The following CYP17A1 variants were observed in gnomAD, a reference collection of about 807,000 sequenced individuals.
CYP17A1 encodes the protein steroid 17-alpha-hydroxylase/17,20 lyase.
Under a neutral mutation model 38.5 loss-of-function variants are expected in CYP17A1, and 27 were observed. The ratio of observed to expected loss-of-function variants is 0.70; its 90% CI spans 0.52 to 0.97. CYP17A1 has a LOEUF of 0.97. Among genes scored for constraint, CYP17A1 ranks in the 50% least tolerant of loss-of-function variants. The pLI, the probability that CYP17A1 is intolerant of heterozygous loss-of-function variation, is 0.00. For missense variants in CYP17A1, 549 were observed against 645.9 expected (o/e 0.85, Z 1.63); for synonymous variants, 263 against 253.3 (o/e 1.04, Z -0.36).
At chr10:102,835,192 C>T in intron 2 of CYP17A1, 62 bp downstream of exon 2, 8 of 1,487,630 alleles carry the variant, frequency 5.4e-6, no homozygotes, top group Non-Finnish European at 7.5e-6. Context: ...CCCAACCCTC[C>T]TCTCCCTCCA....
intron 3 of CYP17A1, 172 bp from the exon 4 acceptor site, chr10:102,834,294 G>A (rs192312931): frequency 4.9e-5 from 31 of 636,432 alleles, no homozygotes; most frequent in African/African-American, 3.7e-4. Context: ...GGTTTATCAT[G>A]ACGACGAAGA....
chr10:102,831,974 C>G (rs1844096088), intron 6 of CYP17A1, among the ~76,000 whole-genome samples: 1 of 152,186 alleles, frequency 6.6e-6, no homozygotes, highest in Non-Finnish European at 1.5e-5. Context: ...GGAAGCTCCT[C>G]TGGGAAGTCA....
In CYP17A1 at chr10:102,832,407, C is replaced by A. The variant is rs909654327; in HGVS notation, c.1139+104G>T. 7 of 800,810 alleles carry A rather than the reference C, an allele frequency of 8.7e-6. No individual in the cohort carries two copies. In the East Asian group the frequency reaches 1.7e-4, roughly 19 times the overall value. The allele number at this position is 800,810 out of a possible 1,614,324, so 49.6% of individuals were successfully genotyped here. On this transcript the variant is annotated intron_variant, in intron 6 of 7. Transcript: ENST00000369887. Reference sequence around the variant, plus strand: ...TTTTTAGTAGTTGATGGTTGACTGACTTTAGGTTGGCCAGCAGGGGCCGGG... The same window carrying A: ...TTTTTAGTAGTTGATGGTTGACTGAATTTAGGTTGGCCAGCAGGGGCCGGG...
intron 5 of CYP17A1, 59 bp from the exon 6 acceptor site, chr10:102,832,739 C>T: frequency 7.7e-7 from 1 of 1,291,746 alleles, no homozygotes; most frequent in Non-Finnish European, 1.1e-6. Flanking sequence ...GAAGCAAGGG[C>T]TTAGAGAAGA....
In CYP17A1 at chr10:102,837,141, A is replaced by G; in HGVS notation, c.221T>C (p.Val74Ala). 1 of 1,600,118 alleles carries G rather than the reference A, an allele frequency of 6.2e-7. No homozygotes were observed. The change falls in exon 1 of 8, where the codon GTG (valine) becomes GCG (alanine). Residue 74 changes from valine (V) to alanine (A), a missense_variant. Val to Ala is a moderately conservative substitution (Grantham distance 64). Coordinates refer to ENST00000369887, the MANE Select transcript of CYP17A1 (RefSeq NM_000102.4). Reference sequence around the variant, plus strand: ...GGCCAGCTGGTGGTGGCCGACAATCACTGTAGTCTTGGTGCCCATACGAAC... The same window carrying G: ...GGCCAGCTGGTGGTGGCCGACAATCGCTGTAGTCTTGGTGCCCATACGAAC... ...YSVRMGTKTT[V>A]IVGHHQLAKE...
At chr10:102,836,953 G>T in intron 1 of CYP17A1, 112 bp downstream of exon 1, 1 of 781,436 alleles carries the variant, frequency 1.3e-6, no homozygotes. Flanking sequence ...AGTCTACTTT[G>T]GGAAGAATTA....
At chr10:102,832,892 A>C (rs1338162251) in intron 5 of CYP17A1, 101 bp downstream of exon 5, 1 of 1,549,516 alleles carries the variant, frequency 6.5e-7, no homozygotes, top group Admixed American at 1.9e-5. Context: ...GGGCAGGCCT[A>C]GTCTTCCTGC....
chr10:102,834,807 AC>A lies in CYP17A1; in HGVS notation c.643del (p.Val215TrpfsTer3). 1 of 1,614,186 alleles carries A rather than the reference AC, an allele frequency of 6.2e-7. No homozygotes were observed. Among genetic ancestry groups the A allele is most frequent in the Non-Finnish European group, 8.5e-7 (1 of 1,180,032 alleles). Reference sequence around the variant, plus strand: ...CACCTTCAACCAGGGGACTAGGTCCACCAGGCTGTCTTTGCTCAGGTTGTCT... The same window carrying A: ...CACCTTCAACCAGGGGACTAGGTCCACAGGCTGTCTTTGCTCAGGTTGTCT... ...IIDNLSKDSL[V>X]DLVPWLKIFP... is the part of the protein sequence containing the mutation. On this transcript the variant is annotated frameshift_variant, in exon 3 of 8. Transcript: ENST00000369887. LOFTEE classifies it high-confidence loss of function.
chr10:102,836,742 C>T (rs1844167316), intron 1 of CYP17A1: 4 of 424,640 alleles, frequency 9.4e-6, no homozygotes, highest in Non-Finnish European at 1.8e-5. Context: ...AAGTGCTGTA[C>T]ATGCACCTTC....
chr10:102,833,811 C>G (rs772933732), intron 4 of CYP17A1: 2 of 485,020 alleles, frequency 4.1e-6, no homozygotes, highest in Non-Finnish European at 7.5e-6. Flanking sequence ...AGGCTCATCT[C>G]GAACTCCTGA....
chr10:102,832,404 T>A, intron 6 of CYP17A1, 107 bp downstream of exon 6: 1 of 787,876 alleles, frequency 1.3e-6, no homozygotes, highest in Non-Finnish European at 2.3e-6. Flanking sequence ...GATGGTTGAC[T>A]GACTTTAGGT....
In CYP17A1 at chr10:102,832,516, G is replaced by A. The variant is rs772903405; in HGVS notation, c.1134C>T (p.Asp378=). The A allele has an allele frequency of 4.6e-5, 73 of 1,603,310 alleles. No homozygotes were observed. The South Asian group carries it at 7.0e-4, about 15-fold the overall frequency. Residue 378 remains aspartate, a synonymous_variant, in exon 6 of 8, where the codon GAC becomes GAT. Coordinates refer to ENST00000369887, the MANE Select transcript of CYP17A1 (RefSeq NM_000102.4). ...CACTGGGAGGGCAGGCACACCTGGAGTCAACGTTGGCCTTGTGGGGGATGA... is the reference window on the plus strand; with the variant it reads ...CACTGGGAGGGCAGGCACACCTGGAATCAACGTTGGCCTTGTGGGGGATGA... The part of the protein sequence containing the change: ...PMLIPHKANV[D]SSIGEFAVDK...
intron 3 of CYP17A1, 93 bp downstream of exon 3, chr10:102,834,692 A>T (rs1844136356): frequency 1.3e-6 from 2 of 1,585,074 alleles, no homozygotes; most frequent in Admixed American, 1.7e-5. Context: ...AAGATGGGTC[A>T]TTGCGGCTGG....
chr10:102,834,500 G>A, intron 3 of CYP17A1: 3 of 571,100 alleles, frequency 5.3e-6, no homozygotes, highest in South Asian at 4.1e-5. Flanking sequence ...TACTTCCAAG[G>A]GGAATTCAGC....
rs1180575623 is a variant in CYP17A1 at position 102,830,540 on chromosome 10, A to C, written c.*162T>G. 1 of 606,540 alleles carries C rather than the reference A, an allele frequency of 1.6e-6. No homozygotes were observed. The highest frequency in any genetic ancestry group is 1.9e-5 in the African/African-American group (1 of 53,860). The allele number at this position is 606,540 out of a possible 1,614,324, so 37.6% of individuals were successfully genotyped here. On this transcript the variant is annotated 3_prime_UTR_variant, in exon 8 of 8. Coordinates refer to ENST00000369887, the MANE Select transcript of CYP17A1 (RefSeq NM_000102.4). This position sits in a 1 kb window ranked among gnomAD's most constrained non-coding sequence, Gnocchi z 4.1. The stretch of plus-strand genomic sequence containing the variant: ...GAACTACTCAGGGACCTTATGGAAA[A>C]AAAAAAACTGTTTATGCACATCACT...
At chr10:102,836,455 CAAAAAAAAA>C (rs71019622) in intron 1 of CYP17A1, among the ~76,000 whole-genome samples, 1 of 62,586 alleles carries the variant, frequency 1.6e-5, no homozygotes, top group Non-Finnish European at 3.1e-5. Flanking sequence ...GACTCTGTCT[CAAAAAAAAA>C]AAAAAAAAAA....
At chr10:102,831,470 C>T (rs764071689) in intron 7 of CYP17A1, 38 bp downstream of exon 7, 17 of 1,611,544 alleles carry the variant, frequency 1.1e-5, no homozygotes, top group South Asian at 4.4e-5. Context: ...AGTCCAGGCT[C>T]GCTGTGTGGC....
At chr10:102,834,583 A>C (rs1844135030) in intron 3 of CYP17A1, 2 of 677,824 alleles carry the variant, frequency 3.0e-6, no homozygotes, top group Non-Finnish European at 5.2e-6. Flanking sequence ...TATCTGGAGT[A>C]CTAAGGTGCA....
At chr10:102,833,370 C>T (rs969697820) in intron 4 of CYP17A1, 162 bp from the exon 5 acceptor site, 50 of 1,410,888 alleles carry the variant, frequency 3.5e-5, no homozygotes, top group African/African-American at 8.6e-5. Context: ...GAGGCAGCCC[C>T]GGGCCCTCTT....
Sources: gnomAD v4.1 joint callset for allele counts (sites outside exome capture counted in the v4.1 genomes callset) on GRCh38, gnomAD v4.1.1 for gene constraint, Gnocchi (gnomAD v3.1) non-coding constraint, MANE v1.5 for transcripts, NCBI Gene and HGNC (gene_info 2026-07-23, HGNC 2026-07-21) for gene names.